HPSE2: variants seen among roughly 807,000 people sequenced by gnomAD.
HPSE2 encodes heparanase 2 (inactive).
In HPSE2, 38 loss-of-function variants were observed where a neutral mutation model predicts 60.5. That is an observed-to-expected ratio of 0.63 (90% CI 0.48 to 0.82). The LOEUF is 0.82. Among genes scored for constraint, HPSE2 ranks in the 40% least tolerant of loss-of-function variants. HPSE2 has a pLI of 0.00. For missense variants in HPSE2, 713 were observed against 740.4 expected (o/e 0.96, Z 0.43); for synonymous variants, 295 against 293.2 (o/e 1.01, Z -0.06).
At chr10:99,115,348 G>A (rs2135692884) in intron 3 of HPSE2, among the ~76,000 whole-genome samples, 1 of 152,168 alleles carries the variant, frequency 6.6e-6, no homozygotes, top group South Asian at 2.1e-4. Context: ...TAGAGACGGG[G>A]TTTCACCGTG....
intron 3 of HPSE2, among the ~76,000 whole-genome samples, chr10:98,793,284 A>T (rs554343404): frequency 6.6e-6 from 1 of 152,366 alleles, no homozygotes; most frequent in African/African-American, 2.4e-5. Flanking sequence ...TACAACAGAC[A>T]GCACTTTAGG....
chr10:99,266,779 C>G, the HPSE2 span, among the ~76,000 whole-genome samples: 23 of 152,320 alleles, frequency 1.5e-4, no homozygotes, highest in East Asian at 4.4e-3. Flanking sequence ...AAAGCAGGTG[C>G]TACTACCCAT....
At chr10:98,502,805 G>A (rs377765554) in intron 9 of HPSE2, among the ~76,000 whole-genome samples, 2 of 152,012 alleles carry the variant, frequency 1.3e-5, no homozygotes, top group Admixed American at 6.6e-5. Flanking sequence ...AATCTACAAC[G>A]AACTCAAACA....
intron 3 of HPSE2, among the ~76,000 whole-genome samples, chr10:99,069,075 T>G (rs1333017404): frequency 6.6e-6 from 1 of 152,204 alleles, no homozygotes; most frequent in Non-Finnish European, 1.5e-5. Flanking sequence ...ACTCTTCCAG[T>G]AACTGAAGAT....
intron 2 of HPSE2, among the ~76,000 whole-genome samples, chr10:99,189,685 G>GC (rs1415735497): frequency 1.6e-4 from 24 of 152,122 alleles, no homozygotes; most frequent in African/African-American, 5.3e-4. Context: ...GCCATACCAA[G>GC]CAAGGATTTT....
chr10:99,083,819 A>C (rs1224002811), intron 3 of HPSE2, among the ~76,000 whole-genome samples: 1 of 152,172 alleles, frequency 6.6e-6, no homozygotes, highest in Non-Finnish European at 1.5e-5. Flanking sequence ...ATAACAGAAA[A>C]GAAAATGTCT....
chr10:99,258,528 G>A, the HPSE2 span, among the ~76,000 whole-genome samples: 1 of 152,118 alleles, frequency 6.6e-6, no homozygotes, highest in Admixed American at 6.5e-5. Flanking sequence ...AAAATGACAA[G>A]TTGGTTCTAA....
At chr10:99,087,582 G>T (rs1843365435) in intron 3 of HPSE2, among the ~76,000 whole-genome samples, 2 of 152,154 alleles carry the variant, frequency 1.3e-5, no homozygotes, top group Admixed American at 1.3e-4. Context: ...ATGCATGAAG[G>T]CTGCGATCAA....
Position 99,053,719 on chromosome 10 carries a change from C to CTTTTTTTTT in HPSE2, c.610+90510_610+90518dup, listed in dbSNP as rs11301458. ...TGAATTAAGTACAGAGAGTTACAGT[C>CTTTTTTTTT]TTTTTTTTTTTTTTTTTTTTTTTTT... On this transcript the variant is annotated intron_variant, in intron 3 of 11. Coordinates refer to ENST00000370552, the MANE Select transcript of HPSE2 (RefSeq NM_021828.5). Among the ~76,000 whole-genome samples the CTTTTTTTTT allele has an allele frequency of 5.2e-5, 3 of 57,784 alleles. 1 individual carries two copies. Among genetic ancestry groups the CTTTTTTTTT allele is most frequent in the Non-Finnish European group, 8.6e-5 (3 of 34,854 alleles). The allele number at this position is 57,784 out of a possible 152,430, so 37.9% of individuals were successfully genotyped here.
chr10:98,561,810 T>C lies in HPSE2; in HGVS notation c.1320+53094A>G, dbSNP rs1216726285. 2.6e-5 allele frequency among the ~76,000 whole-genome samples: 4 copies of C among 152,288 alleles called. No homozygotes were observed. The East Asian group carries it at 5.8e-4, about 22-fold the overall frequency. ...TTGCAGCGAGCTGAGATCGTGCCAC[T>C]GCACTGTAGCCTGGGCGATAGAGCT... is the stretch of plus-strand genomic sequence containing the variant. On this transcript the variant is annotated intron_variant, in intron 9 of 11. Transcript: ENST00000370552.
At chr10:99,177,103 C>T (rs751395215) in intron 2 of HPSE2, among the ~76,000 whole-genome samples, 1 of 151,932 alleles carries the variant, frequency 6.6e-6, no homozygotes, top group Non-Finnish European at 1.5e-5. Flanking sequence ...GTTTGCCTTA[C>T]GAGAGCTCCT....
chr10:98,749,542 T>A (rs980646686), intron 3 of HPSE2, among the ~76,000 whole-genome samples: 1 of 151,384 alleles, frequency 6.6e-6, no homozygotes, highest in Non-Finnish European at 1.5e-5. Flanking sequence ...TATACATATA[T>A]AAAAGAAGAT....
intron 2 of HPSE2, among the ~76,000 whole-genome samples, chr10:99,209,116 A>G (rs1848866276): frequency 6.6e-6 from 1 of 152,230 alleles, no homozygotes; most frequent in African/African-American, 2.4e-5. Context: ...AAAACTGGAC[A>G]TGAACAATAC....
intron 2 of HPSE2, among the ~76,000 whole-genome samples, chr10:99,173,956 AAAAAAAAAAAAAAG>A (rs1330655191): frequency 1.3e-5 from 2 of 148,552 alleles, no homozygotes; most frequent in Non-Finnish European, 3.0e-5. Context: ...AAAAAAAAAA[AAAAAAAAAAAAAAG>A]AACTACAAGA....
intron 3 of HPSE2, among the ~76,000 whole-genome samples, chr10:99,085,443 A>G (rs1430044316): frequency 3.3e-5 from 5 of 152,196 alleles, no homozygotes; most frequent in Non-Finnish European, 7.3e-5. Context: ...CCCTAAGAAG[A>G]TAAGAACTGA....
intron 2 of HPSE2, among the ~76,000 whole-genome samples, chr10:99,170,740 T>C (rs1847275186): frequency 6.6e-6 from 1 of 152,240 alleles, no homozygotes; most frequent in Admixed American, 6.5e-5. Flanking sequence ...ACTGATATTT[T>C]GTTTGGCTTG....
intron 3 of HPSE2, among the ~76,000 whole-genome samples, chr10:98,883,011 G>T (rs1953067503): frequency 6.6e-6 from 1 of 152,026 alleles, no homozygotes; most frequent in African/African-American, 2.4e-5. Flanking sequence ...GCCCAAACAT[G>T]TCCTGTGATC....
At chr10:99,040,216 C>A (rs986906449) in intron 3 of HPSE2, among the ~76,000 whole-genome samples, 59 of 152,242 alleles carry the variant, frequency 3.9e-4, no homozygotes, top group African/African-American at 1.3e-3. Context: ...CTACTGCATT[C>A]TTTTTAATAG....
In HPSE2 at chr10:98,573,655, T is replaced by G. The variant is rs1455577696; in HGVS notation, c.1320+41249A>C. Reference sequence around the variant, plus strand: ...AGCTCCTATCTTTTTCACCTCGCACTTTTTCAAAAAGGCCATGGGTCACAC... The same window carrying G: ...AGCTCCTATCTTTTTCACCTCGCACGTTTTCAAAAAGGCCATGGGTCACAC... On this transcript the variant is annotated intron_variant, in intron 9 of 11. Transcript: ENST00000370552. Among the ~76,000 whole-genome samples, 3 of 152,294 alleles carry G rather than the reference T, an allele frequency of 2.0e-5. No homozygotes were observed. The East Asian group carries it at 5.8e-4, about 29-fold the overall frequency.
Sources: allele counts gnomAD v4.1 joint callset (sites outside exome capture counted in the v4.1 genomes callset), GRCh38; gene constraint gnomAD v4.1.1; transcripts MANE v1.5; gene names NCBI Gene and HGNC (gene_info 2026-07-23, HGNC 2026-07-21).